CASK: variants seen among roughly 807,000 people sequenced by gnomAD.
CASK encodes calcium/calmodulin dependent serine protein kinase, also known as peripheral plasma membrane protein CASK.
CASK carries 4 observed loss-of-function variants against 82.9 expected under a neutral mutation model. The ratio of observed to expected loss-of-function variants is 0.05; its 90% CI spans 0.02 to 0.11. The LOEUF is 0.11. Ranked by LOEUF, CASK falls within the 10% of genes least tolerant of loss-of-function variation. The pLI, the probability that CASK is intolerant of heterozygous loss-of-function variation, is 1.00. For synonymous variants in CASK, 259 were observed against 253.5 expected, an observed-to-expected ratio of 1.02 and a Z score of -0.20; for missense variants, 358 against 720.9, an observed-to-expected ratio of 0.50 and a Z score of 5.76.
intron 12 of CASK, among the ~76,000 whole-genome samples, chrX:41,590,437 G>A (rs941296804): frequency 1.0e-5 from 1 of 96,317 alleles, no homozygotes; most frequent in Non-Finnish European, 2.1e-5. Context: ...TTGAACCTGA[G>A]AGGTGAAGGT....
intron 18 of CASK, among the ~76,000 whole-genome samples, chrX:41,557,641 C>G (rs1480647258): frequency 9.0e-6 from 1 of 111,315 alleles, no homozygotes; most frequent in African/African-American, 3.3e-5. Context: ...AGATATACAT[C>G]AGAGAAGAAC....
intron 3 of CASK, among the ~76,000 whole-genome samples, chrX:41,774,391 GA>G (rs2147802486): frequency 9.0e-6 from 1 of 111,317 alleles, no homozygotes; most frequent in South Asian, 3.8e-4. Flanking sequence ...GGACGTGAAG[GA>G]CAAATGGAAG....
intron 9 of CASK, among the ~76,000 whole-genome samples, chrX:41,628,043 TACAGG>T (rs2066409664): frequency 8.9e-6 from 1 of 112,056 alleles, no homozygotes; most frequent in South Asian, 3.7e-4. Context: ...GGACTTATCT[TACAGG>T]ATTGGCAAAA....
chrX:41,797,485 T>A (rs1260203118), intron 2 of CASK, among the ~76,000 whole-genome samples: 1 of 111,205 alleles, frequency 9.0e-6, no homozygotes, highest in Non-Finnish European at 1.9e-5. Flanking sequence ...GCTGGTGATT[T>A]CCATTCCTGC....
intron 2 of CASK, among the ~76,000 whole-genome samples, chrX:41,849,508 A>G (rs185915111): frequency 1.7e-3 from 191 of 112,085 alleles, no homozygotes; most frequent in Non-Finnish European, 2.1e-3. Flanking sequence ...CTTCTTATTC[A>G]TCTCATGTTC....
chrX:41,726,109 G>A (rs999663102), intron 5 of CASK, among the ~76,000 whole-genome samples: 3 of 111,435 alleles, frequency 2.7e-5, no homozygotes, highest in Non-Finnish European at 3.8e-5. Context: ...CAACATACCC[G>A]GTCTAGTTTT....
chrX:41,696,688 G>C, intron 5 of CASK: 2 of 1,207,923 alleles, frequency 1.7e-6, no homozygotes, highest in Non-Finnish European at 2.2e-6. Flanking sequence ...GAACCAAGTA[G>C]GAGTGAAAGC....
chrX:41,886,400 T>G (rs767574023), intron 1 of CASK, among the ~76,000 whole-genome samples: 1 of 111,825 alleles, frequency 8.9e-6, no homozygotes, highest in East Asian at 2.8e-4. Context: ...GCTTGGAAAC[T>G]TAACTTTCTG....
At chrX:41,894,855 A>G (rs1013986151) in intron 1 of CASK, among the ~76,000 whole-genome samples, 7 of 112,274 alleles carry the variant, frequency 6.2e-5, no homozygotes, top group Non-Finnish European at 1.1e-4. Context: ...AAGCAAGGTA[A>G]TGACAAGGTT....
intron 2 of CASK, among the ~76,000 whole-genome samples, chrX:41,825,231 A>G (rs927066869): frequency 1.8e-5 from 2 of 111,651 alleles, no homozygotes; most frequent in Non-Finnish European, 3.8e-5. Flanking sequence ...AAATTTTTAA[A>G]AAGTCAAAAG....
At chrX:41,613,274 T>G (rs760059676) in intron 11 of CASK, among the ~76,000 whole-genome samples, 9 of 107,706 alleles carry the variant, frequency 8.4e-5, no homozygotes, top group Non-Finnish European at 1.7e-4. Context: ...ACTTTTCATT[T>G]TGTTCTGTAC....
intron 15 of CASK, among the ~76,000 whole-genome samples, chrX:41,574,767 G>A (rs1188233110): frequency 1.8e-5 from 2 of 111,944 alleles, no homozygotes; most frequent in East Asian, 5.6e-4. Flanking sequence ...ATTTGAGACA[G>A]TTAAGGGTAG....
chrX:41,722,490 T>G (rs1157496861), intron 5 of CASK, among the ~76,000 whole-genome samples: 1 of 112,692 alleles, frequency 8.9e-6, no homozygotes, highest in East Asian at 2.8e-4. Context: ...TTATGAGATC[T>G]TTCTGAGTTT....
chrX:41,755,054 T>C (rs1276128330), intron 3 of CASK, among the ~76,000 whole-genome samples: 1 of 109,682 alleles, frequency 9.1e-6, no homozygotes, highest in Non-Finnish European at 1.9e-5. Context: ...AATTTTTGTA[T>C]TTTTAGTAGA....
chrX:41,535,360 C>G (rs1201806766), intron 22 of CASK, among the ~76,000 whole-genome samples: 1 of 111,193 alleles, frequency 9.0e-6, no homozygotes, highest in African/African-American at 3.3e-5. Flanking sequence ...AGTCTACAGA[C>G]AGTGACCAAC....
At chrX:41,737,066 T>C (rs1179414676) in intron 5 of CASK, among the ~76,000 whole-genome samples, 2 of 112,243 alleles carry the variant, frequency 1.8e-5, no homozygotes, top group African/African-American at 6.5e-5. Flanking sequence ...TTTCAACTAA[T>C]GAAATGCATA....
chrX:41,811,124 A>T (rs1373006544), intron 2 of CASK, among the ~76,000 whole-genome samples: 2 of 111,398 alleles, frequency 1.8e-5, no homozygotes, highest in East Asian at 2.8e-4. Context: ...CTCCCACACA[A>T]TAATAATGGG....
At chrX:41,656,607 G>A (rs988450716) in intron 8 of CASK, among the ~76,000 whole-genome samples, 6 of 111,069 alleles carry the variant, frequency 5.4e-5, no homozygotes, top group Admixed American at 4.8e-4. Flanking sequence ...AAAACAGGGG[G>A]AGATGAAAGC....
At chrX:41,807,738 C>A (rs1468665318) in intron 2 of CASK, among the ~76,000 whole-genome samples, 1 of 111,453 alleles carries the variant, frequency 9.0e-6, no homozygotes, top group Non-Finnish European at 1.9e-5. Context: ...TGGGCCCAAG[C>A]TCATTCTTTT....
Sources: gnomAD v4.1 joint callset for allele counts (sites outside exome capture counted in the v4.1 genomes callset) on GRCh38, gnomAD v4.1.1 for gene constraint, MANE v1.5 for transcripts, NCBI Gene and HGNC (gene_info 2026-07-23, HGNC 2026-07-21) for gene names.